Variants in LENG9 observed in about 807,000 individuals in gnomAD.
The protein encoded by LENG9 is leukocyte receptor cluster (LRC) member 9.
For synonymous variants in LENG9, 410 were observed against 303.9 expected (o/e 1.35, Z -3.63); for missense variants, 872 against 652.7 (o/e 1.34, Z -3.66).
Position 54,463,377 on chromosome 19 carries a change from G to A in LENG9, c.150C>T (p.Gly50=). ...QPHPGAPAPP[G]REAQPEAGAK... ...CCCCGGCCTCCGGCTGCGCCTCGCG[G>A]CCAGGCGGCGCCGGCGCCCCAGGGT... is the stretch of plus-strand genomic sequence containing the variant. The change falls in exon 1 of 1, where the codon GGC becomes GGT. Residue 50 remains glycine, a synonymous_variant. Coordinates refer to ENST00000611161, the MANE Select transcript of LENG9 (RefSeq NM_001301782.2). 5.4e-6 allele frequency: 7 copies of A among 1,299,064 alleles called. No homozygotes were observed. Among genetic ancestry groups the A allele is most frequent in the Non-Finnish European group, 5.8e-6 (6 of 1,027,266 alleles). The allele number at this position is 1,299,064 out of a possible 1,614,324, so 80.5% of individuals were successfully genotyped here. A position where few individuals can be genotyped will look rare whatever the true frequency, so the allele number is the denominator to read the frequency against.
rs1301473690 is a variant in LENG9, at chr19:54,462,537, G to A, written c.990C>T (p.Asn330=). 5.6e-6 allele frequency: 9 copies of A among 1,613,566 alleles called. No individual in the cohort carries two copies. Among genetic ancestry groups the A allele is most frequent in the Admixed American group, 1.7e-5 (1 of 60,016 alleles). The change falls in exon 1 of 1, where the codon AAC becomes AAT. Residue 330 remains asparagine (N), a synonymous_variant. Coordinates refer to ENST00000611161, the MANE Select transcript of LENG9 (RefSeq NM_001301782.2). ...YLVHVAPHCA[N]FLVPSQNLHL... ...GTAGGTTCTGAGAGGGCACTAGGAA[G>A]TTGGCGCAGTGTGGGGCCACGTGGA...
chr19:54,463,343 GC>G lies in LENG9; in HGVS notation c.183del (p.Lys61AsnfsTer177). On this transcript the variant is annotated frameshift_variant, in exon 1 of 1. Transcript: ENST00000611161. LOFTEE classifies it low-confidence loss of function (END_TRUNC). ...ACGTCCGCGGCTGTGCGCAGCGGCG[GC>G]TTCTTGGCCCCGGCCTCCGGCTGCG... The part of the protein sequence containing the change: ...REAQPEAGAK[K>X]PPLRTAADVI... 1 of 1,451,994 alleles carries G rather than the reference GC, an allele frequency of 6.9e-7. No homozygotes were observed. Among genetic ancestry groups the G allele is most frequent in the Non-Finnish European group, 9.1e-7 (1 of 1,104,728 alleles). The allele number at this position is 1,451,994 out of a possible 1,614,324, so 89.9% of individuals were successfully genotyped here. A position where few individuals can be genotyped will look rare whatever the true frequency, so the allele number is the denominator to read the frequency against.
chr19:54,462,820 C>T lies in LENG9; in HGVS notation c.707G>A (p.Gly236Glu). The T allele has an allele frequency of 1.2e-6, 2 of 1,612,110 alleles. No homozygotes were observed. Among genetic ancestry groups the T allele is most frequent in the East Asian group, 2.2e-5 (1 of 44,822 alleles). Residue 236 changes from glycine (G) to glutamate (E), a missense_variant, in exon 1 of 1, where the codon GGA becomes GAA. Coordinates refer to ENST00000611161, the MANE Select transcript of LENG9 (RefSeq NM_001301782.2). ...GTLAPRGRLAGVTEALKPTAA... is the reference protein window; with the variant it reads ...GTLAPRGRLAEVTEALKPTAA... Reference sequence around the variant, plus strand: ...TGTTGGCTTCAGTGCCTCAGTCACTCCGGCGAGGCGTCCTCTTGGGGCCAG... The same window carrying T: ...TGTTGGCTTCAGTGCCTCAGTCACTTCGGCGAGGCGTCCTCTTGGGGCCAG...
chr19:54,463,706 G>C lies in LENG9; in HGVS notation c.-180C>G. On this transcript the variant is annotated 5_prime_UTR_variant, in exon 1 of 1. Transcript: ENST00000611161. Reference sequence around the variant, plus strand: ...TCTGGCCCAGTCCCTCCTTGGTGGAGAGCCTGACACCGCTGCTCTGGGACT... The same window carrying C: ...TCTGGCCCAGTCCCTCCTTGGTGGACAGCCTGACACCGCTGCTCTGGGACT... 1.2e-6 allele frequency: 1 copy of C among 806,934 alleles called. No homozygotes were observed. The highest frequency in any genetic ancestry group is 1.7e-6 in the Non-Finnish European group (1 of 594,512). The allele number at this position is 806,934 out of a possible 1,614,324, so 50.0% of individuals were successfully genotyped here. A position where few individuals can be genotyped will look rare whatever the true frequency, so the allele number is the denominator to read the frequency against.
rs2084599114 is a variant in LENG9 at position 54,462,102 on chromosome 19, G to GA, written c.1424dup (p.Leu477ProfsTer85). 1 of 1,565,384 alleles carries GA rather than the reference G, an allele frequency of 6.4e-7. No individual in the cohort carries two copies. The highest frequency in any genetic ancestry group is 8.7e-7 in the Non-Finnish European group (1 of 1,155,560). On this transcript the variant is annotated frameshift_variant, in exon 1 of 1. Coordinates refer to ENST00000611161, the MANE Select transcript of LENG9 (RefSeq NM_001301782.2). LOFTEE classifies it high-confidence loss of function. ...AGGTCTGGGGGTGTCACTCCAGGGGGATCTCAGCCAGGGGCTGGAAAGGCC... is the reference window on the plus strand; with the variant it reads ...AGGTCTGGGGGTGTCACTCCAGGGGGAATCTCAGCCAGGGGCTGGAAAGGCC...
Position 54,462,559 on chromosome 19 carries a change from T to G in LENG9, c.968A>C (p.His323Pro), listed in dbSNP as rs988639918. ...GAAGTTGGCGCAGTGTGGGGCCACG[T>G]GGACCAGGTATTCCTGGGCCTTGGT... ...EVTKAQEYLV[H>P]VAPHCANFLV... is the part of the protein sequence containing the mutation. The change falls in exon 1 of 1, where the codon CAC (histidine) becomes CCC (proline). Residue 323 changes from histidine to proline, a missense_variant. Physicochemically the swap from His to Pro is moderately conservative, Grantham distance 77 (BLOSUM62 -2). Transcript: ENST00000611161. The G allele has an allele frequency of 6.2e-7, 1 of 1,613,622 alleles. No homozygotes were observed. The highest frequency in any genetic ancestry group is 1.1e-5 in the South Asian group (1 of 91,092).
Position 54,463,672 on chromosome 19 carries a change from C to T in LENG9, c.-146G>A. The T allele has an allele frequency of 9.0e-7, 1 of 1,114,712 alleles. No individual in the cohort carries two copies. Among genetic ancestry groups the T allele is most frequent in the South Asian group, 3.4e-5 (1 of 29,566 alleles). The allele number at this position is 1,114,712 out of a possible 1,614,324, so 69.1% of individuals were successfully genotyped here. A position where few individuals can be genotyped will look rare whatever the true frequency, so the allele number is the denominator to read the frequency against. Reference sequence around the variant, plus strand: ...CTCTGGGGACCACGCCGCGTGCCCTCGCGAGGACTCTGGCCCAGTCCCTCC... The same window carrying T: ...CTCTGGGGACCACGCCGCGTGCCCTTGCGAGGACTCTGGCCCAGTCCCTCC... On this transcript the variant is annotated 5_prime_UTR_variant, in exon 1 of 1. Transcript: ENST00000611161.
At position 54,463,745 on chromosome 19, in the gene LENG9, C is replaced by G. The variant is rs2084678277; in HGVS notation, c.-219G>C. 1.8e-6 allele frequency: 1 copy of G among 556,000 alleles called. No individual in the cohort carries two copies. Among genetic ancestry groups the G allele is most frequent in the South Asian group, 8.4e-5 (1 of 11,910 alleles). The allele number at this position is 556,000 out of a possible 1,614,324, so 34.4% of individuals were successfully genotyped here. On this transcript the variant is annotated 5_prime_UTR_variant, in exon 1 of 1. Transcript: ENST00000611161. Reference sequence around the variant, plus strand: ...TGCTCTGGGACTTCCCGGCTGCGCCCTCCCCCAGCGCCAGGAAAGCAAGCT... The same window carrying G: ...TGCTCTGGGACTTCCCGGCTGCGCCGTCCCCCAGCGCCAGGAAAGCAAGCT...
rs1215438431 is a variant in LENG9 at position 54,463,485 on chromosome 19, G to A, written c.42C>T (p.Pro14=). 5.7e-5 allele frequency: 74 copies of A among 1,305,500 alleles called. No homozygotes were observed. Among genetic ancestry groups the A allele is most frequent in the Non-Finnish European group, 7.0e-5 (72 of 1,026,010 alleles). The allele number at this position is 1,305,500 out of a possible 1,614,324, so 80.9% of individuals were successfully genotyped here. The change falls in exon 1 of 1, where the codon CCC becomes CCT. Residue 14 remains proline, a synonymous_variant. Transcript: ENST00000611161. Reference sequence around the variant, plus strand: ...CCGGCGGGGGCGCGGGTTCCGTGGCGGGGGCTTCCTGCGGCAACTCCGGCT... The same window carrying A: ...CCGGCGGGGGCGCGGGTTCCGTGGCAGGGGCTTCCTGCGGCAACTCCGGCT... ...AREPELPQEA[P]ATEPAPPPAC...
rs966379246 is a variant in LENG9 at position 54,461,912 on chromosome 19, T to C, written c.*178A>G. The C allele has an allele frequency of 1.3e-6, 1 of 784,256 alleles. No individual in the cohort carries two copies. Among genetic ancestry groups the C allele is most frequent in the Non-Finnish European group, 2.2e-6 (1 of 451,218 alleles). The allele number at this position is 784,256 out of a possible 1,614,324, so 48.6% of individuals were successfully genotyped here. On this transcript the variant is annotated 3_prime_UTR_variant, in exon 1 of 1. Coordinates refer to ENST00000611161, the MANE Select transcript of LENG9 (RefSeq NM_001301782.2). ...CCAGATGTTCCTCCTCTGCCTCCCC[T>C]TCCCCTCCTCTCCCCTCCTTTTCCT...
In LENG9 at chr19:54,463,032, C is replaced by G. The variant is rs776040481; in HGVS notation, c.495G>C (p.Glu165Asp). 8.1e-6 allele frequency: 13 copies of G among 1,603,232 alleles called. No individual in the cohort carries two copies. The Admixed American group carries it at 2.2e-4, about 27-fold the overall frequency. The change falls in exon 1 of 1, where the codon GAG becomes GAC. Residue 165 changes from glutamate (E) to aspartate (D), a missense_variant. Coordinates refer to ENST00000611161, the MANE Select transcript of LENG9 (RefSeq NM_001301782.2). ...CGGCACCCTCTGCCCCGTGGGCGCC[C>G]TCGGTGTTCGGTGCGTCCAGGATGG... ...GPTILDAPNT[E>D]GAHGAEGAEW...
Position 54,463,644 on chromosome 19 carries a change from T to C in LENG9, c.-118A>G. The C allele has an allele frequency of 4.0e-6, 5 of 1,240,958 alleles. No individual in the cohort carries two copies. Among genetic ancestry groups the C allele is most frequent in the Non-Finnish European group, 5.1e-6 (5 of 979,286 alleles). The allele number at this position is 1,240,958 out of a possible 1,614,324, so 76.9% of individuals were successfully genotyped here. A position where few individuals can be genotyped will look rare whatever the true frequency, so the allele number is the denominator to read the frequency against. Reference sequence around the variant, plus strand: ...GGCGTCAGCGGCCCGCGCTCCGGCCTAGCTCTGGGGACCACGCCGCGTGCC... The same window carrying C: ...GGCGTCAGCGGCCCGCGCTCCGGCCCAGCTCTGGGGACCACGCCGCGTGCC... On this transcript the variant is annotated 5_prime_UTR_variant, in exon 1 of 1. Transcript: ENST00000611161.
rs749144429 is a variant in LENG9, at chr19:54,462,374, G to A, written c.1153C>T (p.Pro385Ser). 8 of 1,612,386 alleles carry A rather than the reference G, an allele frequency of 5.0e-6. No individual in the cohort carries two copies. Among genetic ancestry groups the A allele is most frequent in the African/African-American group, 4.0e-5 (3 of 74,892 alleles). Residue 385 changes from proline to serine, a missense_variant, in exon 1 of 1, where the codon CCG becomes TCG. Pro to Ser is a moderately conservative substitution (Grantham distance 74). Coordinates refer to ENST00000611161, the MANE Select transcript of LENG9 (RefSeq NM_001301782.2). The part of the protein sequence containing the change: ...LSFRKLVLLG[P>S]HVLCAPPSPT... Reference sequence around the variant, plus strand: ...GAGGGTGGGGCACACAGCACATGCGGGCCCAGGAGGACCAGCTTTCTAAAG... The same window carrying A: ...GAGGGTGGGGCACACAGCACATGCGAGCCCAGGAGGACCAGCTTTCTAAAG...
chr19:54,462,373 G>A lies in LENG9; in HGVS notation c.1154C>T (p.Pro385Leu), dbSNP rs542592473. ...AGAGGGTGGGGCACACAGCACATGC[G>A]GGCCCAGGAGGACCAGCTTTCTAAA... is the stretch of plus-strand genomic sequence containing the variant. Reference protein sequence around the residue: ...LSFRKLVLLGPHVLCAPPSPT... With the variant: ...LSFRKLVLLGLHVLCAPPSPT... Residue 385 changes from proline (P) to leucine (L), a missense_variant, in exon 1 of 1, where the codon CCG becomes CTG. Transcript: ENST00000611161. The A allele has an allele frequency of 2.1e-4, 341 of 1,612,256 alleles. 2 individuals carry two copies. The Middle Eastern group carries it at 3.6e-3, about 17-fold the overall frequency.
chr19:54,463,646 G>A lies in LENG9; in HGVS notation c.-120C>T. On this transcript the variant is annotated 5_prime_UTR_variant, in exon 1 of 1. Coordinates refer to ENST00000611161, the MANE Select transcript of LENG9 (RefSeq NM_001301782.2). ...CGTCAGCGGCCCGCGCTCCGGCCTA[G>A]CTCTGGGGACCACGCCGCGTGCCCT... is the stretch of plus-strand genomic sequence containing the variant. 1 of 1,231,960 alleles carries A rather than the reference G, an allele frequency of 8.1e-7. No individual in the cohort carries two copies. 76.3% of individuals were successfully genotyped at this position (1,231,960 alleles called of 1,614,324 possible). A position where few individuals can be genotyped will look rare whatever the true frequency, so the allele number is the denominator to read the frequency against.
rs749422012 is a variant in LENG9, at chr19:54,462,847, G to A, written c.680C>T (p.Thr227Ile). 6.2e-7 allele frequency: 1 copy of A among 1,612,508 alleles called. No individual in the cohort carries two copies. Among genetic ancestry groups the A allele is most frequent in the Non-Finnish European group, 8.5e-7 (1 of 1,179,878 alleles). Residue 227 changes from threonine (T) to isoleucine (I), a missense_variant, in exon 1 of 1, where the codon ACA (threonine) becomes ATA (isoleucine). Coordinates refer to ENST00000611161, the MANE Select transcript of LENG9 (RefSeq NM_001301782.2). Reference sequence around the variant, plus strand: ...GGCGAGGCGTCCTCTTGGGGCCAGTGTTCCCAAATCAGCAGCTGTGCCCAG... The same window carrying A: ...GGCGAGGCGTCCTCTTGGGGCCAGTATTCCCAAATCAGCAGCTGTGCCCAG... ...RALGTAADLGTLAPRGRLAGV... is the reference protein window; with the variant it reads ...RALGTAADLGILAPRGRLAGV...
In LENG9 at chr19:54,462,824, C is replaced by A. The variant is rs2123262673; in HGVS notation, c.703G>T (p.Ala235Ser). The A allele has an allele frequency of 6.2e-7, 1 of 1,612,410 alleles. No homozygotes were observed. The highest frequency in any genetic ancestry group is 2.2e-5 in the East Asian group (1 of 44,850). ...GGCTTCAGTGCCTCAGTCACTCCGG[C>A]GAGGCGTCCTCTTGGGGCCAGTGTT... Reference protein sequence around the residue: ...LGTLAPRGRLAGVTEALKPTA... With the variant: ...LGTLAPRGRLSGVTEALKPTA... The change falls in exon 1 of 1, where the codon GCC (alanine) becomes TCC (serine). Residue 235 changes from alanine to serine, a missense_variant. Physicochemically the swap from Ala to Ser is moderately conservative, Grantham distance 99. Transcript: ENST00000611161.
At position 54,463,586 on chromosome 19, in the gene LENG9, TC is replaced by T; in HGVS notation, c.-61del. On this transcript the variant is annotated 5_prime_UTR_variant, in exon 1 of 1. Transcript: ENST00000611161. ...GAGGTCGCCCCGCACGGAGGGCGGC[TC>T]CCCTTGGATGCACCGAGCCTCACCC... 2 of 1,333,878 alleles carry T rather than the reference TC, an allele frequency of 1.5e-6. No homozygotes were observed. Among genetic ancestry groups the T allele is most frequent in the Non-Finnish European group, 1.9e-6 (2 of 1,034,738 alleles). 82.6% of individuals were successfully genotyped at this position (1,333,878 alleles called of 1,614,324 possible).
rs1264462219 is a variant in LENG9, at chr19:54,462,184, T to TC, written c.1342dup (p.Glu448GlyfsTer27). On this transcript the variant is annotated frameshift_variant, in exon 1 of 1. Coordinates refer to ENST00000611161, the MANE Select transcript of LENG9 (RefSeq NM_001301782.2). LOFTEE classifies it low-confidence loss of function (END_TRUNC). The stretch of plus-strand genomic sequence containing the variant: ...TGTCTGCAGGGGCTGGCACCCCACT[T>TC]CCTGGCTGAGGGTGAACTCCAGCTT... 1 of 1,613,096 alleles carries TC rather than the reference T, an allele frequency of 6.2e-7. No homozygotes were observed. Among genetic ancestry groups the TC allele is most frequent in the African/African-American group, 1.3e-5 (1 of 74,934 alleles).
Sources: gnomAD v4.1 joint callset for allele counts on GRCh38, gnomAD v4.1.1 for gene constraint, MANE v1.5 for transcripts, NCBI Gene and HGNC (gene_info 2026-07-23, HGNC 2026-07-21) for gene names.